ULK4: variants seen among roughly 807,000 people sequenced by gnomAD.
The protein encoded by ULK4 is inactive serine/threonine-protein kinase ULK4.
In ULK4, 133 loss-of-function variants were observed where a neutral mutation model predicts 160.6. The ratio of observed to expected loss-of-function variants is 0.83; its 90% CI spans 0.72 to 0.96. ULK4 has a LOEUF of 0.96. ULK4 is among the 40% of genes least tolerant of loss of function. The pLI is 0.00. For synonymous variants in ULK4, 534 were observed against 539.8 expected (o/e 0.99, Z 0.15); for missense variants, 1,580 against 1,499.5 (o/e 1.05, Z -0.89).
intron 8 of ULK4, chr3:41,915,464 G>A (rs2148808032): frequency 6.5e-6 from 1 of 153,686 alleles, no homozygotes; most frequent in South Asian, 2.1e-4. Flanking sequence ...CCTACCCTGT[G>A]CCTCAACAAT....
intron 30 of ULK4, among the ~76,000 whole-genome samples, chr3:41,651,807 T>G (rs930973827): frequency 1.3e-5 from 2 of 152,198 alleles, no homozygotes; most frequent in African/African-American, 2.4e-5. Flanking sequence ...TAGTGTTGAT[T>G]GTAGCCCCCA....
At chr3:41,692,219 G>A (rs2125808444) in intron 27 of ULK4, among the ~76,000 whole-genome samples, 1 of 148,922 alleles carries the variant, frequency 6.7e-6, no homozygotes, top group South Asian at 2.1e-4. Flanking sequence ...CCAAAGTGCT[G>A]GGATTACAGG....
chr3:41,518,597 C>T (rs2085826539), intron 32 of ULK4, among the ~76,000 whole-genome samples: 1 of 152,148 alleles, frequency 6.6e-6, no homozygotes, highest in East Asian at 1.9e-4. Context: ...TTTAAATGTC[C>T]TACCGTTTGC....
chr3:41,584,417 A>G (rs939013668), intron 31 of ULK4, among the ~76,000 whole-genome samples: 4 of 152,010 alleles, frequency 2.6e-5, no homozygotes, highest in African/African-American at 9.7e-5. Context: ...TCAGCCTCCC[A>G]AGTAGCTGGT....
At chr3:41,552,476 G>GA (rs1288270734) in intron 32 of ULK4, among the ~76,000 whole-genome samples, 2 of 151,432 alleles carry the variant, frequency 1.3e-5, no homozygotes, top group South Asian at 2.1e-4. Flanking sequence ...ACTAGCTGAG[G>GA]AAAAAAATCA....
intron 27 of ULK4, among the ~76,000 whole-genome samples, chr3:41,695,126 C>G (rs2036445252): frequency 6.6e-6 from 1 of 152,190 alleles, no homozygotes; most frequent in Admixed American, 6.5e-5. Context: ...CAAACCAACT[C>G]CCTCAAGTTC....
chr3:41,883,317 TC>T (rs1299565441), intron 17 of ULK4, among the ~76,000 whole-genome samples: 2 of 152,194 alleles, frequency 1.3e-5, no homozygotes, highest in Non-Finnish European at 2.9e-5. Context: ...AAATCCCCTC[TC>T]CTTACCCCTT....
chr3:41,904,483 C>T (rs1053917891), intron 12 of ULK4, among the ~76,000 whole-genome samples: 1 of 151,934 alleles, frequency 6.6e-6, no homozygotes, highest in Admixed American at 6.6e-5. Context: ...AAATAAACTA[C>T]CTTAGGTATT....
At chr3:41,724,551 G>A (rs1464188638) in intron 22 of ULK4, among the ~76,000 whole-genome samples, 6 of 151,906 alleles carry the variant, frequency 3.9e-5, no homozygotes, top group African/African-American at 9.7e-5. Flanking sequence ...AGTGAAACCC[G>A]TCTCTACTAA....
At chr3:41,591,480 A>T (rs2031303294) in intron 31 of ULK4, among the ~76,000 whole-genome samples, 1 of 148,846 alleles carries the variant, frequency 6.7e-6, no homozygotes, top group South Asian at 2.2e-4. Flanking sequence ...TACACTACCG[A>T]TAACTGATGA....
chr3:41,872,969 A>G (rs1161564225), intron 17 of ULK4, among the ~76,000 whole-genome samples: 3 of 152,150 alleles, frequency 2.0e-5, no homozygotes, highest in Non-Finnish European at 4.4e-5. Context: ...CCTGGCCAAG[A>G]TGGTGAAACC....
chr3:41,495,882 C>G (rs2084970856), intron 32 of ULK4, among the ~76,000 whole-genome samples: 1 of 151,900 alleles, frequency 6.6e-6, no homozygotes, highest in Non-Finnish European at 1.5e-5. Flanking sequence ...CAATGAGATA[C>G]CATCTCACAC....
At chr3:41,624,134 T>C (rs1006596327) in intron 30 of ULK4, among the ~76,000 whole-genome samples, 1 of 152,230 alleles carries the variant, frequency 6.6e-6, no homozygotes, top group African/African-American at 2.4e-5. Context: ...CCTTACATCA[T>C]GCCTAGGTAG....
At chr3:41,276,443 C>T (rs891835837) in intron 35 of ULK4, among the ~76,000 whole-genome samples, 1 of 152,196 alleles carries the variant, frequency 6.6e-6, no homozygotes, top group African/African-American at 2.4e-5. Context: ...AAAGCTCCAG[C>T]CCTTGCACCC....
Position 41,932,010 on chromosome 3 carries a change from T to C in ULK4, c.379-4A>G, listed in dbSNP as rs1559658750. 1.2e-6 allele frequency: 2 copies of C among 1,610,780 alleles called. No homozygotes were observed. Among genetic ancestry groups the C allele is most frequent in the Non-Finnish European group, 8.5e-7 (1 of 1,178,236 alleles). ...TGCCAGGCCCTTCCAAGAGTATCTA[T>C]GAAGATCAAATAAATGTTTTCAGAA... is the stretch of plus-strand genomic sequence containing the variant. On this transcript the variant is annotated splice_polypyrimidine_tract_variant and splice_region_variant and intron_variant, in intron 4 of 36. Coordinates refer to ENST00000301831, the MANE Select transcript of ULK4 (RefSeq NM_017886.4).
intron 27 of ULK4, among the ~76,000 whole-genome samples, chr3:41,703,866 AC>A (rs879582612): frequency 0.045 from 6,811 of 151,072 alleles, 322 homozygotes; most frequent in African/African-American, 0.11. Context: ...ACACACACAC[AC>A]ACACACACAA....
At chr3:41,830,449 T>G (rs542318913) in intron 18 of ULK4, among the ~76,000 whole-genome samples, 1 of 151,880 alleles carries the variant, frequency 6.6e-6, no homozygotes, top group African/African-American at 2.4e-5. Flanking sequence ...ATGGAGACAG[T>G]AGGGGATTAA....
intron 19 of ULK4, among the ~76,000 whole-genome samples, chr3:41,802,620 A>G (rs1208528177): frequency 1.3e-5 from 2 of 152,182 alleles, no homozygotes; most frequent in Admixed American, 6.5e-5. Flanking sequence ...TTTAAACCAG[A>G]AATGACAAAA....
At chr3:41,831,027 T>G (rs552585940) in intron 18 of ULK4, among the ~76,000 whole-genome samples, 121 of 151,480 alleles carry the variant, frequency 8.0e-4, no homozygotes, top group Admixed American at 2.8e-3. Context: ...TTTATTTATT[T>G]ATTTATTGAT....
Sources: allele counts gnomAD v4.1 joint callset (sites outside exome capture counted in the v4.1 genomes callset), GRCh38; gene constraint gnomAD v4.1.1; transcripts MANE v1.5; gene names NCBI Gene and HGNC (gene_info 2026-07-23, HGNC 2026-07-21).